RGPD2: variants seen among roughly 807,000 people sequenced by gnomAD.
RGPD2 encodes the protein RANBP2 like and GRIP domain containing 2.
A neutral mutation model predicts 36.0 loss-of-function variants in RGPD2; 2 were observed. The observed-to-expected ratio is 0.06, with a 90% confidence interval of 0.02 to 0.17. The LOEUF (loss-of-function observed/expected upper bound fraction) is 0.17, where lower values mean the gene tolerates loss of function less well. Among genes scored for constraint, RGPD2 ranks in the 10% least tolerant of loss-of-function variants. The pLI is 1.00. For synonymous variants in RGPD2, 19 were observed against 163.8 expected (o/e 0.12, Z 6.75); for missense variants, 40 against 464.3 (o/e 0.09, Z 8.40).
At chr2:87,906,710 A>G in the RGPD2 span, among the ~76,000 whole-genome samples, 1 of 150,652 alleles carries the variant, frequency 6.6e-6, no homozygotes, top group African/African-American at 2.4e-5. Flanking sequence ...TCACCTGCAT[A>G]TATTTCTGAA....
At chr2:87,893,354 T>C in the RGPD2 span, among the ~76,000 whole-genome samples, 2 of 148,342 alleles carry the variant, frequency 1.3e-5, no homozygotes, top group African/African-American at 2.5e-5. Flanking sequence ...TTCATTTCTT[T>C]TCTTTCTTTT....
chr2:87,934,544 A>C, the RGPD2 span, among the ~76,000 whole-genome samples: 56 of 150,212 alleles, frequency 3.7e-4, no homozygotes, highest in East Asian at 0.011. Context: ...CATTTCATTA[A>C]CCATCTGTTT....
the RGPD2 span, among the ~76,000 whole-genome samples, chr2:87,831,240 A>T: frequency 1.3e-5 from 2 of 152,108 alleles, no homozygotes; most frequent in African/African-American, 2.4e-5. Flanking sequence ...AATGGAAAAG[A>T]TATCAATGGA....
the RGPD2 span, among the ~76,000 whole-genome samples, chr2:87,984,839 A>T: frequency 2.0e-5 from 3 of 151,638 alleles, no homozygotes; most frequent in Admixed American, 2.0e-4. Context: ...CTGAGGCAGG[A>T]AAATGGCATG....
chr2:87,824,800 C>CGCA (rs1686598256), intron 1 of RGPD2: 1 of 121,106 alleles, frequency 8.3e-6, no homozygotes, highest in Non-Finnish European at 1.8e-5. Flanking sequence ...CCGAGGCCGC[C>CGCA]GCCGCCGCCG....
the RGPD2 span, among the ~76,000 whole-genome samples, chr2:87,980,223 C>A: frequency 1.4e-5 from 2 of 146,196 alleles, no homozygotes; most frequent in African/African-American, 2.5e-5. Flanking sequence ...TGGTGGCGGG[C>A]GCCTGTAATC....
the RGPD2 span, among the ~76,000 whole-genome samples, chr2:87,858,046 CACACATATATATGTAT>C: frequency 7.9e-5 from 12 of 152,366 alleles, no homozygotes; most frequent in Admixed American, 2.0e-4. Flanking sequence ...GACACACACA[CACACATATATATGTAT>C]ACACATATAT....
At chr2:87,987,914 C>T in the RGPD2 span, among the ~76,000 whole-genome samples, 62 of 105,300 alleles carry the variant, frequency 5.9e-4, no homozygotes, top group African/African-American at 2.1e-3. Context: ...TTAATTTCTT[C>T]CATTATTATT....
the RGPD2 span, among the ~76,000 whole-genome samples, chr2:87,883,592 A>G: frequency 2.6e-5 from 4 of 151,902 alleles, no homozygotes; most frequent in African/African-American, 9.7e-5. Context: ...CCTAAAGGCC[A>G]CTCATATTAA....
chr2:87,915,055 G>A, the RGPD2 span, among the ~76,000 whole-genome samples: 2 of 151,834 alleles, frequency 1.3e-5, no homozygotes, highest in East Asian at 3.8e-4. Context: ...GCTGTGGCAG[G>A]AGAATCGCTT....
the RGPD2 span, among the ~76,000 whole-genome samples, chr2:87,986,243 C>A: frequency 6.7e-6 from 1 of 150,220 alleles, no homozygotes; most frequent in Non-Finnish European, 1.5e-5. Flanking sequence ...TCAAGCGATT[C>A]TCCTGCCTCA....
the RGPD2 span, among the ~76,000 whole-genome samples, chr2:87,877,585 C>T: frequency 7.2e-5 from 11 of 152,304 alleles, no homozygotes; most frequent in African/African-American, 2.6e-4. Flanking sequence ...GGGCAGATCA[C>T]GAAGTCAGGA....
chr2:87,842,704 A>G, the RGPD2 span, among the ~76,000 whole-genome samples: 4 of 151,960 alleles, frequency 2.6e-5, no homozygotes, highest in Non-Finnish European at 4.4e-5. Flanking sequence ...GAATTGGAAA[A>G]AACTACTTTA....
At chr2:87,890,912 GT>G in the RGPD2 span, among the ~76,000 whole-genome samples, 1 of 66,352 alleles carries the variant, frequency 1.5e-5, no homozygotes, top group Non-Finnish European at 2.9e-5. Context: ...ATGAGTTTGA[GT>G]TTTTTCCTGT....
chr2:87,960,264 G>A, the RGPD2 span, among the ~76,000 whole-genome samples: 1 of 142,500 alleles, frequency 7.0e-6, no homozygotes, highest in Non-Finnish European at 1.5e-5. Flanking sequence ...AAGATATACA[G>A]ATGTACCGTA....
the RGPD2 span, among the ~76,000 whole-genome samples, chr2:87,881,180 C>T: frequency 1.3e-5 from 2 of 151,614 alleles, no homozygotes; most frequent in African/African-American, 4.8e-5. Flanking sequence ...TTCCAGGTTT[C>T]AGTCCCCATG....
chr2:87,821,972 C>CT (rs1166675454), intron 1 of RGPD2, among the ~76,000 whole-genome samples: 12 of 145,922 alleles, frequency 8.2e-5, no homozygotes, highest in South Asian at 4.4e-4. Flanking sequence ...ATTTCTCTCT[C>CT]TTTTTTTTTA....
chr2:87,883,605 G>A, the RGPD2 span, among the ~76,000 whole-genome samples: 27 of 151,836 alleles, frequency 1.8e-4, no homozygotes, highest in Non-Finnish European at 3.4e-4. Flanking sequence ...CATATTAAAA[G>A]TGAATTGATG....
the RGPD2 span, among the ~76,000 whole-genome samples, chr2:87,885,487 G>A: frequency 6.6e-6 from 1 of 151,492 alleles, no homozygotes; most frequent in Non-Finnish European, 1.5e-5. Context: ...TATAGTACTG[G>A]AAGTCCTAGC....
Sources: allele counts gnomAD v4.1 joint callset (sites outside exome capture counted in the v4.1 genomes callset), GRCh38; gene constraint gnomAD v4.1.1; transcripts MANE v1.5; gene names NCBI Gene and HGNC (gene_info 2026-07-23, HGNC 2026-07-21).